Variants in TNFAIP2 observed in about 807,000 individuals in gnomAD.
TNFAIP2 encodes the protein TNF alpha induced protein 2.
TNFAIP2 carries 47 observed loss-of-function variants against 63.5 expected under a neutral mutation model. That is an observed-to-expected ratio of 0.74 (90% confidence interval 0.59 to 0.94). The LOEUF (loss-of-function observed/expected upper bound fraction) is 0.94. Ranked by LOEUF, TNFAIP2 falls within the 40% of genes least tolerant of loss-of-function variation. The pLI is 0.00. For synonymous variants in TNFAIP2, 405 were observed against 390.2 expected, an observed-to-expected ratio of 1.04 and a Z score of -0.45; for missense variants, 787 against 850.2, an observed-to-expected ratio of 0.93 and a Z score of 0.92.
In TNFAIP2 at chr14:103,132,709, T is replaced by A. The variant is rs1235744738; in HGVS notation, c.1423-41T>A. On this transcript the variant is annotated intron_variant, in intron 8 of 11. Coordinates refer to ENST00000560869, the MANE Select transcript of TNFAIP2 (RefSeq NM_006291.4). ...CGTGTCTGCGGCTGGCAGCCCTTCC[T>A]CTCCAGGGCGTGACTAGACATCCTG... 4 of 1,599,102 alleles carry A rather than the reference T, an allele frequency of 2.5e-6. No homozygotes were observed. In the Admixed American group the frequency reaches 6.9e-5, roughly 28 times the overall value.
upstream of TNFAIP2, chr14:103,123,402 C>CGGGCG (rs1477886038): frequency 1.3e-5 from 2 of 151,214 alleles, no homozygotes; most frequent in Non-Finnish European, 3.0e-5. Flanking sequence ...GAAGGAGGGG[C>CGGGCG]GGGCGGGGCG....
In TNFAIP2 at chr14:103,127,706, T is replaced by A. The variant is rs974893023; in HGVS notation, c.860+77T>A. The stretch of plus-strand genomic sequence containing the variant: ...GGAGGGGTGTCGAGGGGTGTCGAGG[T>A]GTGCCGCCGGCAGCTTTTAGTGAGG... On this transcript the variant is annotated intron_variant, in intron 3 of 11. Coordinates refer to ENST00000560869, the MANE Select transcript of TNFAIP2 (RefSeq NM_006291.4). This position sits in a 1 kb window ranked among gnomAD's most constrained non-coding sequence, Gnocchi z 5.1. The A allele has an allele frequency of 1.4e-6, 2 of 1,381,188 alleles. No homozygotes were observed. Among genetic ancestry groups the A allele is most frequent in the East Asian group, 5.2e-5 (2 of 38,150 alleles). The allele number at this position is 1,381,188 out of a possible 1,614,324, so 85.6% of individuals were successfully genotyped here.
upstream of TNFAIP2, among the ~76,000 whole-genome samples, chr14:103,121,994 G>GCCCGTA (rs1376418414): frequency 9.9e-5 from 15 of 152,202 alleles, no homozygotes; most frequent in African/African-American, 3.6e-4. Context: ...GGGCCCCTCA[G>GCCCGTA]CCCGTATCCT....
chr14:103,127,294 C>A lies in TNFAIP2; in HGVS notation c.525C>A (p.Thr175=). 1.0e-6 allele frequency: 1 copy of A among 988,448 alleles called. No individual in the cohort carries two copies. Among genetic ancestry groups the A allele is most frequent in the Non-Finnish European group, 1.2e-6 (1 of 833,664 alleles). 61.2% of individuals were successfully genotyped at this position (988,448 alleles called of 1,614,324 possible). A position where few individuals can be genotyped will look rare whatever the true frequency, so the allele number is the denominator to read the frequency against. The part of the protein sequence containing the change: ...DRQAAAAGPG[T]SGLAATRPRR... ...AGGCGGCGGCGGCGGGGCCGGGGAC[C>A]TCGGGGCTGGCGGCCACGCGCCCGC... The change falls in exon 3 of 12, where the codon ACC becomes ACA. Residue 175 remains threonine (T), a synonymous_variant. Coordinates refer to ENST00000560869, the MANE Select transcript of TNFAIP2 (RefSeq NM_006291.4). This position sits in a 1 kb window ranked among gnomAD's most constrained non-coding sequence, Gnocchi z 5.1.
chr14:103,122,845 G>C (rs1337400167), upstream of TNFAIP2: 4 of 454,880 alleles, frequency 8.8e-6, no homozygotes, highest in Non-Finnish European at 1.3e-5. Context: ...GTGTGAGCCG[G>C]GTCAGCCACT....
intron 10 of TNFAIP2, 50 bp from the exon 11 acceptor site, chr14:103,133,632 A>G (rs757721237): frequency 2.6e-6 from 4 of 1,549,962 alleles, no homozygotes; most frequent in Non-Finnish European, 3.5e-6. Context: ...CGAGTCGCTG[A>G]CCCGAGCCTC....
Position 103,135,433 on chromosome 14 carries a change from G to A in TNFAIP2, c.*73G>A. 1 of 1,528,220 alleles carries A rather than the reference G, an allele frequency of 6.5e-7. No homozygotes were observed. 94.7% of individuals were successfully genotyped at this position (1,528,220 alleles called of 1,614,324 possible). Reference sequence around the variant, plus strand: ...CACACCCCGCTGGGAGCTGTTAAGAGCAGCGCTGGTTCTCGGTTCCTCCCG... The same window carrying A: ...CACACCCCGCTGGGAGCTGTTAAGAACAGCGCTGGTTCTCGGTTCCTCCCG... On this transcript the variant is annotated 3_prime_UTR_variant, in exon 12 of 12. Coordinates refer to ENST00000560869, the MANE Select transcript of TNFAIP2 (RefSeq NM_006291.4). The surrounding 1 kb of genome is among the most constrained non-coding windows in gnomAD (Gnocchi z 7.6).
At chr14:103,134,004 A>G (rs1160863597) in intron 11 of TNFAIP2, among the ~76,000 whole-genome samples, 1 of 152,236 alleles carries the variant, frequency 6.6e-6, no homozygotes, top group African/African-American at 2.4e-5. Context: ...GGAGGCCTGG[A>G]GAGCTCACAG....
chr14:103,131,076 T>C lies in TNFAIP2; in HGVS notation c.1224T>C (p.Phe408=), dbSNP rs1204628295. 2 of 1,614,186 alleles carry C rather than the reference T, an allele frequency of 1.2e-6. No individual in the cohort carries two copies. Among genetic ancestry groups the C allele is most frequent in the Non-Finnish European group, 1.7e-6 (2 of 1,180,036 alleles). Residue 408 remains phenylalanine, a synonymous_variant, in exon 7 of 12, where the codon TTT becomes TTC. Transcript: ENST00000560869. This position sits in a 1 kb window ranked among gnomAD's most constrained non-coding sequence, Gnocchi z 4.0. ...GCTACCAGCGCGCCTTTAATGAATT[T>C]CTGGAGAGAGGCAAGCAGCTGACGA... The part of the protein sequence containing the change: ...LRSYQRAFNE[F]LERGKQLTNY...
In TNFAIP2 at chr14:103,131,710, T is replaced by C. The variant is rs773414077; in HGVS notation, c.1370T>C (p.Leu457Pro). The C allele has an allele frequency of 1.2e-6, 2 of 1,610,882 alleles. No homozygotes were observed. The highest frequency in any genetic ancestry group is 2.7e-5 in the African/African-American group (2 of 74,822). The change falls in exon 8 of 12, where the codon CTC becomes CCC. Residue 457 changes from leucine to proline, a missense_variant. Physicochemically the swap from Leu to Pro is moderately conservative, Grantham distance 98. This residue lies in a region of TNFAIP2 where 523 missense variants were observed against 604.1 expected (regional missense o/e 0.87). Coordinates refer to ENST00000560869, the MANE Select transcript of TNFAIP2 (RefSeq NM_006291.4). This position sits in a 1 kb window ranked among gnomAD's most constrained non-coding sequence, Gnocchi z 4.0. Reference sequence around the variant, plus strand: ...CTCCTGCTGGGCCCCCTGGGTGAGCTCAAGAGCCACGGCTTTGACACCCTG... The same window carrying C: ...CTCCTGCTGGGCCCCCTGGGTGAGCCCAAGAGCCACGGCTTTGACACCCTG... The part of the protein sequence containing the change: ...LSLLLGPLGE[L>P]KSHGFDTLLQ...
In TNFAIP2 at chr14:103,131,974, T is replaced by G. The variant is rs2087984931; in HGVS notation, c.1422+212T>G. Among the ~76,000 whole-genome samples the G allele has an allele frequency of 4.2e-5, 3 of 71,326 alleles. No individual in the cohort carries two copies. The highest frequency in any genetic ancestry group is 1.3e-4 in the African/African-American group (2 of 15,752). 46.8% of individuals were successfully genotyped at this position (71,326 alleles called of 152,430 possible). A position where few individuals can be genotyped will look rare whatever the true frequency, so the allele number is the denominator to read the frequency against. ...GAACTCCGCCGATCATGTCCTGGGG[T>G]TTCACCTGAGAGGGGCCGCCTGGGG... is the stretch of plus-strand genomic sequence containing the variant. On this transcript the variant is annotated intron_variant, in intron 8 of 11. Transcript: ENST00000560869. This position sits in a 1 kb window ranked among gnomAD's most constrained non-coding sequence, Gnocchi z 4.0.
chr14:103,127,281 C>T lies in TNFAIP2; in HGVS notation c.512C>T (p.Ala171Val). 1 of 989,352 alleles carries T rather than the reference C, an allele frequency of 1.0e-6. No individual in the cohort carries two copies. The highest frequency in any genetic ancestry group is 1.2e-6 in the Non-Finnish European group (1 of 834,302). 61.3% of individuals were successfully genotyped at this position (989,352 alleles called of 1,614,324 possible). ...QEREDRQAAA[A>V]GPGTSGLAAT... ...CGCGAGGACCGCCAGGCGGCGGCGG[C>T]GGGGCCGGGGACCTCGGGGCTGGCG... The change falls in exon 3 of 12, where the codon GCG becomes GTG. Residue 171 changes from alanine (A) to valine (V), a missense_variant. Physicochemically the swap from Ala to Val is moderately conservative, Grantham distance 64 (BLOSUM62 0). Transcript: ENST00000560869. The surrounding 1 kb of genome is among the most constrained non-coding windows in gnomAD (Gnocchi z 5.1).
upstream of TNFAIP2, chr14:103,123,132 G>A (rs1444251439): frequency 4.0e-6 from 1 of 247,910 alleles, no homozygotes; most frequent in African/African-American, 2.3e-5. Context: ...CCATCCAGGC[G>A]GCCTATCAGG....
intron 3 of TNFAIP2, among the ~76,000 whole-genome samples, chr14:103,128,843 A>T (rs931870821): frequency 1.3e-5 from 2 of 152,026 alleles, no homozygotes; most frequent in Non-Finnish European, 2.9e-5. Context: ...TGTCCCAGTG[A>T]CCTCGGGGTC....
intron 11 of TNFAIP2, among the ~76,000 whole-genome samples, chr14:103,134,626 A>G (rs996881831): frequency 7.2e-6 from 1 of 138,180 alleles, no homozygotes; most frequent in African/African-American, 2.8e-5. Context: ...TCACTCATCC[A>G]TGCTCCCATC....
chr14:103,121,769 G>C (rs775527716), upstream of TNFAIP2, among the ~76,000 whole-genome samples: 1 of 152,104 alleles, frequency 6.6e-6, no homozygotes, highest in African/African-American at 2.4e-5. Context: ...TGCAAAGCCC[G>C]TGGAGACCAG....
In TNFAIP2 at chr14:103,136,077, G is replaced by T. The variant is rs1036525897; in HGVS notation, c.*717G>T. On this transcript the variant is annotated 3_prime_UTR_variant, in exon 12 of 12. Coordinates refer to ENST00000560869, the MANE Select transcript of TNFAIP2 (RefSeq NM_006291.4). ...AGGGCTTGGTGTCTACTACCGAAGG[G>T]CCCAAGACCTCCTGGGTCCTCTCAG... is the stretch of plus-strand genomic sequence containing the variant. The T allele has an allele frequency of 1.7e-6, 2 of 1,181,188 alleles. No homozygotes were observed. Among genetic ancestry groups the T allele is most frequent in the African/African-American group, 3.2e-5 (2 of 62,624 alleles). The allele number at this position is 1,181,188 out of a possible 1,614,324, so 73.2% of individuals were successfully genotyped here. A position where few individuals can be genotyped will look rare whatever the true frequency, so the allele number is the denominator to read the frequency against.
In TNFAIP2 at chr14:103,127,603, G is replaced by C. The variant is rs745601355; in HGVS notation, c.834G>C (p.Leu278=). ...GCGAGCGCGACACCTACATGCTGCT[G>C]CTCTGGGTGCAGAACCTCTACCCCA... ...ELCERDTYML[L]LWVQNLYPND... The change falls in exon 3 of 12, where the codon CTG becomes CTC. Residue 278 remains leucine (L), a synonymous_variant. Transcript: ENST00000560869. The surrounding 1 kb of genome is among the most constrained non-coding windows in gnomAD (Gnocchi z 5.1). The C allele has an allele frequency of 7.8e-6, 12 of 1,535,668 alleles. 1 individual carries two copies. The South Asian group carries it at 1.3e-4, about 17-fold the overall frequency.
At position 103,130,087 on chromosome 14, in the gene TNFAIP2, G is replaced by A. The variant is rs1376923486; in HGVS notation, c.1061G>A (p.Gly354Asp). The change falls in exon 5 of 12, where the codon GGC (glycine) becomes GAC (aspartate). Residue 354 changes from glycine (G) to aspartate (D), a missense_variant. By Grantham distance (94) the Gly-to-Asp change is moderately conservative. Coordinates refer to ENST00000560869, the MANE Select transcript of TNFAIP2 (RefSeq NM_006291.4). The stretch of plus-strand genomic sequence containing the variant: ...GATGTGCCTCCCCAGAGGCTGGACG[G>A]CCACTGCCACAGCGAGCTGGCCATC... ...AEDVPPQRLD[G>D]HCHSELAIDI... The A allele has an allele frequency of 1.2e-6, 2 of 1,613,310 alleles. No individual in the cohort carries two copies. Among genetic ancestry groups the A allele is most frequent in the Admixed American group, 1.7e-5 (1 of 60,014 alleles).
Sources: allele counts gnomAD v4.1 joint callset (sites outside exome capture counted in the v4.1 genomes callset), GRCh38; gene constraint gnomAD v4.1.1; regional missense constraint gnomAD v4.1.1; non-coding constraint Gnocchi (gnomAD v3.1); transcripts MANE v1.5; gene names NCBI Gene and HGNC (gene_info 2026-07-23, HGNC 2026-07-21).